The following GRM1 variants were observed in gnomAD, a reference collection of about 807,000 sequenced individuals.
The protein encoded by GRM1 is metabotropic glutamate receptor 1.
GRM1 carries 33 observed loss-of-function variants against 90.9 expected under a neutral mutation model. The ratio of observed to expected loss-of-function variants is 0.36; its 90% CI spans 0.28 to 0.49. The LOEUF (loss-of-function observed/expected upper bound fraction) is 0.49. Ranked by LOEUF, GRM1 falls within the 20% of genes least tolerant of loss-of-function variation. The pLI is 0.99. For missense variants in GRM1, 1,190 were observed against 1,534.3 expected, an observed-to-expected ratio of 0.78 and a Z score of 3.75; for synonymous variants, 700 against 613.2, an observed-to-expected ratio of 1.14 and a Z score of -2.09.
chr6:146,308,305 TCACA>T (rs979304728), intron 3 of GRM1, among the ~76,000 whole-genome samples: 32 of 152,116 alleles, frequency 2.1e-4, no homozygotes, highest in African/African-American at 7.7e-4. Flanking sequence ...AATATCCACC[TCACA>T]CAGAACTCTG....
intron 2 of GRM1, among the ~76,000 whole-genome samples, chr6:146,268,873 A>T (rs542423715): frequency 1.3e-5 from 2 of 152,326 alleles, no homozygotes; most frequent in East Asian, 3.9e-4. Flanking sequence ...ATATACTACA[A>T]AGTTATTGTA....
At chr6:146,191,253 G>T (rs1778927317) in intron 2 of GRM1, among the ~76,000 whole-genome samples, 1 of 152,144 alleles carries the variant, frequency 6.6e-6, no homozygotes, top group Non-Finnish European at 1.5e-5. Flanking sequence ...TGTCTTGATG[G>T]TCTGTGGACC....
chr6:146,354,438 T>A (rs1785513719), intron 4 of GRM1, among the ~76,000 whole-genome samples: 1 of 151,392 alleles, frequency 6.6e-6, no homozygotes, highest in Admixed American at 6.6e-5. Context: ...TTTTTGACAC[T>A]TCATGTATTC....
At chr6:146,257,921 C>T (rs1781547029) in intron 2 of GRM1, among the ~76,000 whole-genome samples, 1 of 151,072 alleles carries the variant, frequency 6.6e-6, no homozygotes, top group Non-Finnish European at 1.5e-5. Flanking sequence ...GTCAAGTTGA[C>T]ACATAAAATT....
intron 2 of GRM1, among the ~76,000 whole-genome samples, chr6:146,304,397 A>T (rs966176901): frequency 2.0e-4 from 31 of 152,158 alleles, no homozygotes; most frequent in African/African-American, 7.5e-4. Flanking sequence ...TCATCTCATC[A>T]TCACTTTCAC....
At chr6:146,058,264 G>A (rs547527645) in intron 1 of GRM1, among the ~76,000 whole-genome samples, 2 of 152,042 alleles carry the variant, frequency 1.3e-5, no homozygotes, top group Non-Finnish European at 2.9e-5. Flanking sequence ...GGCTATACAG[G>A]TGTACCTCAG....
At chr6:146,150,210 A>G (rs1777272625) in intron 1 of GRM1, among the ~76,000 whole-genome samples, 1 of 152,158 alleles carries the variant, frequency 6.6e-6, no homozygotes, top group South Asian at 2.1e-4. Flanking sequence ...CCAAAGAATA[A>G]TTTAAACCAG....
intron 2 of GRM1, among the ~76,000 whole-genome samples, chr6:146,204,854 A>C (rs1180404344): frequency 6.6e-6 from 1 of 152,178 alleles, no homozygotes; most frequent in Non-Finnish European, 1.5e-5. Flanking sequence ...TGTGTAAGGC[A>C]GGGGCCTTAT....
chr6:146,361,639 AG>A (rs968078260), intron 5 of GRM1, among the ~76,000 whole-genome samples: 2 of 152,202 alleles, frequency 1.3e-5, no homozygotes, highest in Admixed American at 1.3e-4. Flanking sequence ...ACTCCTTAAA[AG>A]GACCCTTTTA....
chr6:146,210,483 C>G (rs1322720139), intron 2 of GRM1, among the ~76,000 whole-genome samples: 1 of 152,112 alleles, frequency 6.6e-6, no homozygotes, highest in Non-Finnish European at 1.5e-5. Flanking sequence ...GTAACACAGA[C>G]AATTTAGTAC....
In GRM1 at chr6:146,123,503, C is replaced by A. The variant is rs116707620; in HGVS notation, c.701-35845C>A. 2.4e-3 allele frequency among the ~76,000 whole-genome samples: 365 copies of A among 152,232 alleles called. 2 individuals carry two copies. The highest frequency in any genetic ancestry group is 8.6e-3 in the African/African-American group (356 of 41,528). On this transcript the variant is annotated intron_variant, in intron 1 of 7. Transcript: ENST00000282753. ...CACTGGAGTGCTCTCACTCTTTTGC[C>A]CCAAAAACATCTGTACGTTTTCTAT...
chr6:146,295,812 C>T (rs909017271), intron 2 of GRM1, among the ~76,000 whole-genome samples: 1 of 151,972 alleles, frequency 6.6e-6, no homozygotes, highest in Non-Finnish European at 1.5e-5. Flanking sequence ...GTTTGTTGTA[C>T]AGATTATTTC....
At chr6:146,410,218 T>C (rs1262678038) in intron 7 of GRM1, among the ~76,000 whole-genome samples, 1 of 152,140 alleles carries the variant, frequency 6.6e-6, no homozygotes, top group African/African-American at 2.4e-5. Context: ...CATTAGTGTC[T>C]TACTGCAAAC....
intron 1 of GRM1, among the ~76,000 whole-genome samples, chr6:146,150,363 T>G (rs957630348): frequency 2.2e-4 from 33 of 152,318 alleles, no homozygotes; most frequent in Non-Finnish European, 4.7e-4. Flanking sequence ...TGAAATCAAT[T>G]TTATTCACAG....
At chr6:146,051,632 A>T (rs549726476) in intron 1 of GRM1, among the ~76,000 whole-genome samples, 53 of 152,194 alleles carry the variant, frequency 3.5e-4, no homozygotes, top group African/African-American at 1.3e-3. Context: ...AGATTTTCAG[A>T]TAAGTGGTTA....
chr6:146,209,849 G>A (rs1352523328), intron 2 of GRM1, among the ~76,000 whole-genome samples: 1 of 152,126 alleles, frequency 6.6e-6, no homozygotes, highest in African/African-American at 2.4e-5. Flanking sequence ...CAGCAGTGGG[G>A]AAGATTGCAA....
intron 1 of GRM1, among the ~76,000 whole-genome samples, chr6:146,098,772 T>G (rs1035992867): frequency 1.3e-5 from 2 of 152,048 alleles, no homozygotes; most frequent in African/African-American, 4.8e-5. Flanking sequence ...TCTCATGAGA[T>G]CTGATGGTTT....
At chr6:146,380,138 G>A (rs147617322) in intron 5 of GRM1, among the ~76,000 whole-genome samples, 1 of 152,006 alleles carries the variant, frequency 6.6e-6, no homozygotes, top group African/African-American at 2.4e-5. Context: ...AAGGCCCTGG[G>A]CTCTACAGTC....
At chr6:146,393,864 T>C (rs1776826510) in intron 6 of GRM1, among the ~76,000 whole-genome samples, 1 of 152,124 alleles carries the variant, frequency 6.6e-6, no homozygotes, top group South Asian at 2.1e-4. Flanking sequence ...GACTTCAAAC[T>C]ATACTACAAG....
Sources: gnomAD v4.1 joint callset for allele counts (sites outside exome capture counted in the v4.1 genomes callset) on GRCh38, gnomAD v4.1.1 for gene constraint, MANE v1.5 for transcripts, NCBI Gene and HGNC (gene_info 2026-07-23, HGNC 2026-07-21) for gene names.